Variants in LIFR observed in about 807,000 individuals in gnomAD.
LIFR encodes leukemia inhibitory factor receptor.
LIFR carries 84 observed loss-of-function variants against 122.2 expected under a neutral mutation model. The observed-to-expected ratio is 0.69, with a 90% confidence interval of 0.58 to 0.82. The LOEUF (loss-of-function observed/expected upper bound fraction) is 0.82. LIFR is among the 40% of genes least tolerant of loss of function. The pLI, the probability that LIFR is intolerant of heterozygous loss-of-function variation, is 0.00. For missense variants in LIFR, 1,294 were observed against 1,311.6 expected (o/e 0.99, Z 0.21); for synonymous variants, 422 against 434.7 (o/e 0.97, Z 0.36).
chr5:38,586,830 C>T (rs1749766402), intron 1 of LIFR, among the ~76,000 whole-genome samples: 1 of 152,096 alleles, frequency 6.6e-6, no homozygotes, highest in Non-Finnish European at 1.5e-5. Flanking sequence ...CTTTAAAACT[C>T]TCAAATAGTT....
At chr5:38,593,099 A>T (rs919263033) in intron 1 of LIFR, among the ~76,000 whole-genome samples, 2 of 152,132 alleles carry the variant, frequency 1.3e-5, no homozygotes, top group African/African-American at 4.8e-5. Context: ...GCTACTCAGG[A>T]GGCTGAGGCG....
intron 10 of LIFR, among the ~76,000 whole-genome samples, chr5:38,503,053 T>C (rs1399417047): frequency 6.6e-6 from 1 of 152,120 alleles, no homozygotes; most frequent in Non-Finnish European, 1.5e-5. Context: ...GGTTATCTTT[T>C]TAATCCAAAT....
intron 1 of LIFR, among the ~76,000 whole-genome samples, chr5:38,532,914 C>G (rs12517753): frequency 6.6e-5 from 10 of 152,142 alleles, no homozygotes; most frequent in African/African-American, 2.4e-4. Flanking sequence ...AATTTTTATA[C>G]GATTTCAGGA....
chr5:38,562,024 A>C (rs1389267409), intron 1 of LIFR, among the ~76,000 whole-genome samples: 1 of 152,184 alleles, frequency 6.6e-6, no homozygotes. Context: ...CCTGAGCCAA[A>C]AGCCTAGTGT....
At chr5:38,571,565 TCTC>T (rs1749214895) in intron 1 of LIFR, among the ~76,000 whole-genome samples, 1 of 149,102 alleles carries the variant, frequency 6.7e-6, no homozygotes, top group Non-Finnish European at 1.5e-5. Flanking sequence ...CTAGCCTCCT[TCTC>T]CTCCTCTCCT....
intron 1 of LIFR, among the ~76,000 whole-genome samples, chr5:38,544,955 G>A (rs1747793934): frequency 6.6e-6 from 1 of 152,198 alleles, no homozygotes; most frequent in South Asian, 2.1e-4. Context: ...CACCATGGAA[G>A]ATTATTAATA....
chr5:38,530,383 CAAA>C lies in LIFR; in HGVS notation c.142+120_142+122del, dbSNP rs11293177. 20 of 791,072 alleles carry C rather than the reference CAAA, an allele frequency of 2.5e-5. No homozygotes were observed. In the African/African-American group the frequency reaches 3.5e-4, roughly 14 times the overall value. 49.0% of individuals were successfully genotyped at this position (791,072 alleles called of 1,614,324 possible). On this transcript the variant is annotated intron_variant, in intron 2 of 19. Coordinates refer to ENST00000453190, the MANE Select transcript of LIFR (RefSeq NM_001127671.2). ...CTAAAAGTACATAGAAAAAAGATGA[CAAA>C]AAAAATGAATTTTAACCAACAAAAT...
chr5:38,607,037 C>T (rs923991248), intron 1 of LIFR, among the ~76,000 whole-genome samples: 10 of 152,286 alleles, frequency 6.6e-5, no homozygotes, highest in African/African-American at 2.4e-4. Context: ...CCACTAGTTC[C>T]TAAAGTCTTA....
chr5:38,579,442 T>C (rs1342286320), intron 1 of LIFR: 1 of 151,744 alleles, frequency 6.6e-6, no homozygotes, highest in African/African-American at 2.4e-5. Context: ...AGGTCAAATA[T>C]TTTTGGAAAA....
chr5:38,481,767 G>A lies in LIFR; in HGVS notation c.3122C>T (p.Ser1041Phe), dbSNP rs765137025. ...QANVNTWNLV[S>F]PDSPRSIDSN... ...GTCTATGGATCTAGGAGAGTCTGGA[G>A]ACACTAAATTCCATGTATTTACATT... The change falls in exon 20 of 20, where the codon TCT becomes TTT. Residue 1041 changes from serine (S) to phenylalanine (F), a missense_variant. Transcript: ENST00000453190. 33 of 1,613,980 alleles carry A rather than the reference G, an allele frequency of 2.0e-5. No homozygotes were observed. The highest frequency in any genetic ancestry group is 1.1e-5 in the Non-Finnish European group (13 of 1,180,014).
At chr5:38,575,193 G>T (rs1163256767) in intron 1 of LIFR, among the ~76,000 whole-genome samples, 1 of 152,158 alleles carries the variant, frequency 6.6e-6, no homozygotes, top group Non-Finnish European at 1.5e-5. Flanking sequence ...CATTCTATTT[G>T]ATTCCACTTA....
intron 1 of LIFR, among the ~76,000 whole-genome samples, chr5:38,585,097 T>G (rs1749705020): frequency 6.6e-6 from 1 of 152,210 alleles, no homozygotes; most frequent in Admixed American, 6.5e-5. Flanking sequence ...CATAAGTGTT[T>G]TTATTATCTT....
intron 1 of LIFR, among the ~76,000 whole-genome samples, chr5:38,562,188 T>C (rs569352669): frequency 6.6e-6 from 1 of 152,342 alleles, no homozygotes; most frequent in South Asian, 2.1e-4. Flanking sequence ...TTCCATCTGA[T>C]TGGAATCTTC....
chr5:38,604,532 C>T (rs757472133), intron 2 of LIFR, among the ~76,000 whole-genome samples: 8 of 152,036 alleles, frequency 5.3e-5, no homozygotes, highest in Non-Finnish European at 1.2e-4. Context: ...CATAGTGAAA[C>T]CCCATCTCTA....
rs181248038 is a variant in LIFR at position 38,529,610 on chromosome 5, C to T, written c.143-770G>A. Among the ~76,000 whole-genome samples the T allele has an allele frequency of 5.0e-3, 749 of 150,730 alleles. 15 individuals carry two copies. Among genetic ancestry groups the T allele is most frequent in the Admixed American group, 0.042 (644 of 15,158 alleles). ...CACTATGCAATGAAAAAAGTCACCC[C>T]GAAAAGAAAATGAGTAAAAAGAAGG... is the stretch of plus-strand genomic sequence containing the variant. On this transcript the variant is annotated intron_variant, in intron 2 of 19. Coordinates refer to ENST00000453190, the MANE Select transcript of LIFR (RefSeq NM_001127671.2).
chr5:38,504,271 C>G, intron 9 of LIFR, 150 bp from the exon 10 acceptor site: 1 of 612,896 alleles, frequency 1.6e-6, no homozygotes, highest in Non-Finnish European at 2.9e-6. Context: ...ATTGACAAAC[C>G]TAATTTCTAC....
intron 14 of LIFR, among the ~76,000 whole-genome samples, chr5:38,492,378 C>T (rs1744641396): frequency 6.6e-6 from 1 of 152,122 alleles, no homozygotes; most frequent in South Asian, 2.1e-4. Flanking sequence ...CCAGCCTATC[C>T]CAGTCCATCC....
Position 38,506,062 on chromosome 5 carries a change from T to A in LIFR, c.1134A>T (p.Lys378Asn), listed in dbSNP as rs753566378. 4 of 1,596,260 alleles carry A rather than the reference T, an allele frequency of 2.5e-6. No homozygotes were observed. The highest frequency in any genetic ancestry group is 1.3e-5 in the African/African-American group (1 of 74,248). Residue 378 changes from lysine (K) to asparagine (N), a missense_variant, in exon 9 of 20, where the codon AAA becomes AAT. By Grantham distance (94) the Lys-to-Asn change is moderately conservative. Coordinates refer to ENST00000453190, the MANE Select transcript of LIFR (RefSeq NM_001127671.2). Reference protein sequence around the residue: ...SYTLVESFSGKYVRLKRAEAP... With the variant: ...SYTLVESFSGNYVRLKRAEAP... ...CTTCAGCTCTTTTAAGTCTAACATA[T>A]TTTCCTGAAAAACTGTTAATTAACA...
chr5:38,554,869 G>A (rs1055320284), intron 1 of LIFR: 4 of 152,124 alleles, frequency 2.6e-5, no homozygotes, highest in Non-Finnish European at 4.4e-5. Flanking sequence ...TATTTGTCAA[G>A]GATGACCATT....
Sources: gnomAD v4.1 joint callset for allele counts (sites outside exome capture counted in the v4.1 genomes callset) on GRCh38, gnomAD v4.1.1 for gene constraint, MANE v1.5 for transcripts, NCBI Gene and HGNC (gene_info 2026-07-23, HGNC 2026-07-21) for gene names.